The following DCDC1 variants were observed in gnomAD, a reference collection of about 807,000 sequenced individuals.
The protein encoded by DCDC1 is doublecortin domain containing 1, also known as doublecortin domain-containing protein 1.
A neutral mutation model predicts 178.3 loss-of-function variants in DCDC1; 200 were observed. The ratio of observed to expected loss-of-function variants is 1.12; its 90% CI spans 1.00 to 1.26. DCDC1 has a LOEUF of 1.26. Ranked by LOEUF, DCDC1 falls within the 50% of genes most tolerant of loss-of-function variation. The probability of loss-of-function intolerance (pLI) is 0.00; values close to 1 mark genes in which losing one functional copy is unlikely to be tolerated. For synonymous variants in DCDC1, 690 were observed against 604.8 expected (o/e 1.14, Z -2.07); for missense variants, 1,983 against 1,749.2 (o/e 1.13, Z -2.38).
chr11:30,885,193 CAAAT>C (rs906563776), intron 36 of DCDC1, among the ~76,000 whole-genome samples: 15 of 145,950 alleles, frequency 1.0e-4, no homozygotes, highest in Admixed American at 3.4e-4. Context: ...TTTAAGCAAA[CAAAT>C]AAAGCAGAGA....
chr11:31,096,580 G>A (rs1401843899), intron 15 of DCDC1, among the ~76,000 whole-genome samples: 1 of 152,080 alleles, frequency 6.6e-6, no homozygotes, highest in Non-Finnish European at 1.5e-5. Flanking sequence ...GCCTTGGGCT[G>A]GCACCCAGTA....
At chr11:30,891,589 T>A (rs1221946346) in intron 36 of DCDC1, among the ~76,000 whole-genome samples, 4 of 152,212 alleles carry the variant, frequency 2.6e-5, no homozygotes, top group Non-Finnish European at 4.4e-5. Context: ...TGAACTCTGA[T>A]TTTTGAAAGA....
At chr11:30,947,754 GAAA>G (rs1948139459) in intron 21 of DCDC1, among the ~76,000 whole-genome samples, 1 of 151,936 alleles carries the variant, frequency 6.6e-6, no homozygotes, top group Non-Finnish European at 1.5e-5. Context: ...AACAGCAAAC[GAAA>G]CAATCAACAA....
rs1476960195 is a variant in DCDC1, at chr11:31,106,783, C to G, written c.1751+14G>C. 2.6e-6 allele frequency: 2 copies of G among 764,930 alleles called. No individual in the cohort carries two copies. The highest frequency in any genetic ancestry group is 4.8e-6 in the Non-Finnish European group (2 of 417,476). 47.4% of individuals were successfully genotyped at this position (764,930 alleles called of 1,614,324 possible). A position where few individuals can be genotyped will look rare whatever the true frequency, so the allele number is the denominator to read the frequency against. On this transcript the variant is annotated intron_variant, in intron 13 of 38. Coordinates refer to ENST00000684477, the MANE Select transcript of DCDC1 (RefSeq NM_001387274.1). ...GGAAAGATTGAGGACAGAAAACAAA[C>G]CCCTTGCTCCTACCTGTATGCTCTA...
intron 20 of DCDC1, among the ~76,000 whole-genome samples, chr11:30,996,733 C>T (rs1273317636): frequency 6.6e-6 from 1 of 152,166 alleles, no homozygotes; most frequent in East Asian, 1.9e-4. Flanking sequence ...GCCTCTGAAG[C>T]TGTGAGAAAA....
chr11:31,023,529 G>T (rs1953027954), intron 20 of DCDC1, among the ~76,000 whole-genome samples: 1 of 152,110 alleles, frequency 6.6e-6, no homozygotes, highest in South Asian at 2.1e-4. Flanking sequence ...GACGCAGAAA[G>T]AGAAGATCCA....
rs459478 is a variant in DCDC1 at position 30,944,517 on chromosome 11, C to T, written c.2715+7928G>A. ...AGCTTTCCAACCAAAATATGAATTG[C>T]ATTTAACTGTTCACTGAAATAGAGT... On this transcript the variant is annotated intron_variant, in intron 21 of 38. Transcript: ENST00000684477. Among the ~76,000 whole-genome samples, 627 of 152,112 alleles carry T rather than the reference C, an allele frequency of 4.1e-3. 2 individuals are homozygous for T. The highest frequency in any genetic ancestry group is 0.015 in the African/African-American group (610 of 41,508).
At chr11:31,121,246 G>A (rs771356528) in intron 11 of DCDC1, among the ~76,000 whole-genome samples, 4 of 151,688 alleles carry the variant, frequency 2.6e-5, no homozygotes, top group Non-Finnish European at 4.4e-5. Context: ...TAGAATATAC[G>A]AGTGCACATG....
chr11:31,021,459 G>GA, intron 20 of DCDC1, among the ~76,000 whole-genome samples: 1 of 152,094 alleles, frequency 6.6e-6, no homozygotes, highest in South Asian at 2.1e-4. Context: ...GTTGTTAAGT[G>GA]AAAAAAAGTG....
chr11:31,181,706 C>T lies in DCDC1; in HGVS notation c.1222-43922G>A, dbSNP rs180676984. ...AAAGGATGTCCACACAGAAAGCCCACCCTAAGGTCACCAGCATCAAAGACC... is the reference window on the plus strand; with the variant it reads ...AAAGGATGTCCACACAGAAAGCCCATCCTAAGGTCACCAGCATCAAAGACC... On this transcript the variant is annotated intron_variant, in intron 9 of 38. Coordinates refer to ENST00000684477, the MANE Select transcript of DCDC1 (RefSeq NM_001387274.1). Among the ~76,000 whole-genome samples the T allele has an allele frequency of 2.1e-3, 319 of 152,224 alleles. 2 individuals are homozygous for T. The highest frequency in any genetic ancestry group is 7.2e-3 in the African/African-American group (301 of 41,542).
At chr11:31,050,807 A>G (rs957975838) in intron 20 of DCDC1, among the ~76,000 whole-genome samples, 1 of 152,124 alleles carries the variant, frequency 6.6e-6, no homozygotes, top group Non-Finnish European at 1.5e-5. Flanking sequence ...AAAGGGGGAG[A>G]GTCTACATCA....
intron 8 of DCDC1, among the ~76,000 whole-genome samples, chr11:31,255,239 T>C (rs186975276): frequency 1.3e-5 from 2 of 152,340 alleles, no homozygotes; most frequent in Non-Finnish European, 2.9e-5. Context: ...GGCTATTACG[T>C]ATAGTGTTGC....
chr11:31,361,457 G>C (rs546856256), intron 1 of DCDC1, among the ~76,000 whole-genome samples: 76 of 152,202 alleles, frequency 5.0e-4, no homozygotes, highest in South Asian at 2.9e-3. Context: ...ACTAATTTAC[G>C]TTAGTAAAAT....
chr11:31,296,736 C>A (rs1329426806), intron 6 of DCDC1, among the ~76,000 whole-genome samples: 1 of 152,136 alleles, frequency 6.6e-6, no homozygotes, highest in East Asian at 1.9e-4. Flanking sequence ...GAAGGAGAAG[C>A]AAACACATCC....
intron 27 of DCDC1, among the ~76,000 whole-genome samples, chr11:30,911,871 T>C (rs996646933): frequency 6.6e-6 from 1 of 152,170 alleles, no homozygotes; most frequent in Non-Finnish European, 1.5e-5. Flanking sequence ...CACCCCCCTA[T>C]ATGTTCCAGA....
chr11:31,067,148 T>C (rs1956293387), intron 18 of DCDC1, among the ~76,000 whole-genome samples: 1 of 151,764 alleles, frequency 6.6e-6, no homozygotes, highest in African/African-American at 2.4e-5. Context: ...ATGAAGAAAG[T>C]AAAAAAACAA....
intron 20 of DCDC1, among the ~76,000 whole-genome samples, chr11:31,064,064 T>C (rs1956117239): frequency 6.6e-6 from 1 of 152,170 alleles, no homozygotes; most frequent in Non-Finnish European, 1.5e-5. Flanking sequence ...CCATCTTTTG[T>C]GCACTTAACC....
intron 38 of DCDC1, among the ~76,000 whole-genome samples, chr11:30,871,990 T>C (rs910029472): frequency 1.3e-5 from 2 of 152,092 alleles, no homozygotes; most frequent in Admixed American, 6.6e-5. Context: ...CTAATGTGAA[T>C]GTTGGACTAG....
At chr11:30,903,871 T>A in intron 31 of DCDC1, 188 bp from the exon 32 acceptor site, 1 of 439,648 alleles carries the variant, frequency 2.3e-6, no homozygotes. Context: ...CCTACCTAAT[T>A]TCACAACAGT....
Sources: allele counts gnomAD v4.1 joint callset (sites outside exome capture counted in the v4.1 genomes callset), GRCh38; gene constraint gnomAD v4.1.1; transcripts MANE v1.5; gene names NCBI Gene and HGNC (gene_info 2026-07-23, HGNC 2026-07-21).